Variants in MAST1 observed in about 807,000 individuals in gnomAD.
MAST1 encodes microtubule-associated serine/threonine-protein kinase 1.
In MAST1, 40 loss-of-function variants were observed where a neutral mutation model predicts 124.6. The observed-to-expected ratio is 0.32, with a 90% confidence interval of 0.25 to 0.42. The LOEUF (loss-of-function observed/expected upper bound fraction) is 0.42, where lower values mean the gene tolerates loss of function less well. MAST1 is among the 10% of genes least tolerant of loss of function. The pLI is 1.00. For missense variants in MAST1, 1,558 were observed against 2,181.9 expected (o/e 0.71, Z 5.70); for synonymous variants, 938 against 939.4 (o/e 1.00, Z 0.03).
chr19:12,848,272 T>G (rs985602419), intron 7 of MAST1: 12 of 566,864 alleles, frequency 2.1e-5, no homozygotes, highest in Non-Finnish European at 3.4e-5. Flanking sequence ...CCTTAGGTCT[T>G]TACTCAAATG....
intron 1 of MAST1, among the ~76,000 whole-genome samples, chr19:12,839,058 G>A (rs1423677858): frequency 3.9e-5 from 6 of 152,024 alleles, no homozygotes; most frequent in Non-Finnish European, 2.9e-5. Context: ...CAGTCACTGC[G>A]GCTGTGGGTG....
chr19:12,841,035 C>A lies in MAST1; in HGVS notation c.217C>A (p.Pro73Thr). 6.5e-7 allele frequency: 1 copy of A among 1,546,998 alleles called. No homozygotes were observed. The highest frequency in any genetic ancestry group is 8.9e-7 in the Non-Finnish European group (1 of 1,118,468). ...DSPRNFSPNT[P>T]AHFSFASSRR... ...CCCCCGAAACTTCTCCCCCAACACC[C>A]CCGCCCACTTCTCGTTTGCCTCCTC... is the stretch of plus-strand genomic sequence containing the variant. The change falls in exon 3 of 26, where the codon CCC becomes ACC. Residue 73 changes from proline (P) to threonine (T), a missense_variant. By Grantham distance (38) the Pro-to-Thr change is conservative. Around this residue, in one of 10 missense-constraint regions of MAST1, gnomAD observed 57 missense variants for 35.3 expected, o/e 1.62. Coordinates refer to ENST00000251472, the MANE Select transcript of MAST1 (RefSeq NM_014975.3). The surrounding 1 kb of genome is among the most constrained non-coding windows in gnomAD (Gnocchi z 4.3).
chr19:12,853,176 G>A (rs1215592415), intron 10 of MAST1, among the ~76,000 whole-genome samples: 1 of 151,538 alleles, frequency 6.6e-6, no homozygotes, highest in Admixed American at 6.6e-5. Context: ...TCTCCATGTT[G>A]GTCAGGCTGG....
rs2145906729 is a variant in MAST1 at position 12,864,678 on chromosome 19, G to A, written c.1367-131G>A. The A allele has an allele frequency of 2.5e-6, 3 of 1,188,926 alleles. No individual in the cohort carries two copies. The East Asian group carries it at 7.2e-5, about 29-fold the overall frequency. 73.6% of individuals were successfully genotyped at this position (1,188,926 alleles called of 1,614,324 possible). ...CAGTAGAGGACCTGGAGGGAGGGAGGCCCCTCTCAGAGCCTCAGTTTCCCT... is the reference window on the plus strand; with the variant it reads ...CAGTAGAGGACCTGGAGGGAGGGAGACCCCTCTCAGAGCCTCAGTTTCCCT... On this transcript the variant is annotated intron_variant, in intron 12 of 25. Coordinates refer to ENST00000251472, the MANE Select transcript of MAST1 (RefSeq NM_014975.3).
rs373790560 is a variant in MAST1 at position 12,865,302 on chromosome 19, C to G, written c.1639-14C>G. On this transcript the variant is annotated splice_polypyrimidine_tract_variant and intron_variant, in intron 14 of 25. Coordinates refer to ENST00000251472, the MANE Select transcript of MAST1 (RefSeq NM_014975.3). This position sits in a 1 kb window ranked among gnomAD's most constrained non-coding sequence, Gnocchi z 7.1. ...CTCCTCTGGCTGGGGCGTGGGCTGA[C>G]AGCCTGCCCCCAGGTGTGTGGGACC... 2.5e-6 allele frequency: 4 copies of G among 1,581,274 alleles called. No individual in the cohort carries two copies. The highest frequency in any genetic ancestry group is 3.6e-5 in the Admixed American group (2 of 56,086).
At chr19:12,871,260 C>G in intron 24 of MAST1, 88 bp downstream of exon 24, 1 of 1,558,420 alleles carries the variant, frequency 6.4e-7, no homozygotes, top group South Asian at 1.2e-5. Context: ...AAGGGAAGAG[C>G]ACGGGAAAGG....
Position 12,847,086 on chromosome 19 carries a change from T to C in MAST1, c.328-204T>C. The stretch of plus-strand genomic sequence containing the variant: ...TGACTTGACCCAAGCTTTAACAGAC[T>C]CACTGTCTCCACCCCTGTCTGTCCC... On this transcript the variant is annotated intron_variant, in intron 4 of 25. Coordinates refer to ENST00000251472, the MANE Select transcript of MAST1 (RefSeq NM_014975.3). The surrounding 1 kb of genome is among the most constrained non-coding windows in gnomAD (Gnocchi z 5.5). The C allele has an allele frequency of 3.5e-6, 2 of 572,836 alleles. No individual in the cohort carries two copies. Among genetic ancestry groups the C allele is most frequent in the East Asian group, 5.8e-5 (2 of 34,302 alleles). 35.5% of individuals were successfully genotyped at this position (572,836 alleles called of 1,614,324 possible).
intron 22 of MAST1, 26 bp downstream of exon 22, chr19:12,869,321 A>G (rs1434909687): frequency 2.5e-6 from 4 of 1,588,154 alleles, no homozygotes; most frequent in Non-Finnish European, 3.4e-6. Context: ...TGGAGTCTCC[A>G]TCACAGAGTG....
At position 12,866,520 on chromosome 19, in the gene MAST1, A is replaced by G; in HGVS notation, c.2030-133A>G. 1.6e-6 allele frequency: 1 copy of G among 643,744 alleles called. No individual in the cohort carries two copies. Among genetic ancestry groups the G allele is most frequent in the South Asian group, 1.8e-5 (1 of 54,304 alleles). 39.9% of individuals were successfully genotyped at this position (643,744 alleles called of 1,614,324 possible). A position where few individuals can be genotyped will look rare whatever the true frequency, so the allele number is the denominator to read the frequency against. ...CCTGGGAGCGGAGCCTAAATTAAAT[A>G]CACTAATGAGGCAGGGGCGTGGCCT... is the stretch of plus-strand genomic sequence containing the variant. On this transcript the variant is annotated intron_variant, in intron 17 of 25. Coordinates refer to ENST00000251472, the MANE Select transcript of MAST1 (RefSeq NM_014975.3). The surrounding 1 kb of genome is among the most constrained non-coding windows in gnomAD (Gnocchi z 5.2).
intron 21 of MAST1, 68 bp downstream of exon 21, chr19:12,868,917 A>C: frequency 6.4e-7 from 1 of 1,553,124 alleles, no homozygotes; most frequent in East Asian, 2.3e-5. Flanking sequence ...ACCAATGAAA[A>C]TGCTGCATTT....
chr19:12,856,291 T>C (rs930963920), intron 10 of MAST1, among the ~76,000 whole-genome samples: 8 of 151,854 alleles, frequency 5.3e-5, no homozygotes, highest in African/African-American at 1.9e-4. Flanking sequence ...GATTACATAG[T>C]TTTATTTTGC....
At position 12,874,487 on chromosome 19, in the gene MAST1, G is replaced by C. The variant is rs377752846; in HGVS notation, c.4330G>C (p.Gly1444Arg). ...VPIVVEPARP[G>R]AKAVVPQPLG... Reference sequence around the variant, plus strand: ...CATTGTCGTAGAGCCTGCGCGGCCCGGGGCTAAGGCTGTGGTGCCTCAGCC... The same window carrying C: ...CATTGTCGTAGAGCCTGCGCGGCCCCGGGCTAAGGCTGTGGTGCCTCAGCC... The change falls in exon 26 of 26, where the codon GGG (glycine) becomes CGG (arginine). Residue 1444 changes from glycine to arginine, a missense_variant. Gly to Arg is a moderately radical substitution (Grantham distance 125). Coordinates refer to ENST00000251472, the MANE Select transcript of MAST1 (RefSeq NM_014975.3). The surrounding 1 kb of genome is among the most constrained non-coding windows in gnomAD (Gnocchi z 6.6). 6 of 1,568,186 alleles carry C rather than the reference G, an allele frequency of 3.8e-6. No individual in the cohort carries two copies. The highest frequency in any genetic ancestry group is 1.3e-5 in the African/African-American group (1 of 74,262).
At position 12,847,539 on chromosome 19, in the gene MAST1, T is replaced by C. The variant is rs1969908687; in HGVS notation, c.489-73T>C. 2 of 1,612,784 alleles carry C rather than the reference T, an allele frequency of 1.2e-6. No homozygotes were observed. The highest frequency in any genetic ancestry group is 1.7e-6 in the Non-Finnish European group (2 of 1,179,368). ...CCCCTGTCCCCGCGAATAAAAGGGTTACATCTTGGGGCGGGGGCTCTCTGC... is the reference window on the plus strand; with the variant it reads ...CCCCTGTCCCCGCGAATAAAAGGGTCACATCTTGGGGCGGGGGCTCTCTGC... On this transcript the variant is annotated intron_variant, in intron 5 of 25. Coordinates refer to ENST00000251472, the MANE Select transcript of MAST1 (RefSeq NM_014975.3). The surrounding 1 kb of genome is among the most constrained non-coding windows in gnomAD (Gnocchi z 5.5).
intron 12 of MAST1, among the ~76,000 whole-genome samples, chr19:12,863,068 G>T (rs1309725426): frequency 6.8e-6 from 1 of 146,094 alleles, no homozygotes; most frequent in African/African-American, 2.5e-5. Context: ...AGAATCTCTT[G>T]AACCCGGGGG....
Position 12,871,262 on chromosome 19 carries a change from C to T in MAST1, c.3263+90C>T, listed in dbSNP as rs377503747. ...GATGAGGATGGAGAAGGGAAGAGCA[C>T]GGGAAAGGTGGCGGGAACAAATGAC... On this transcript the variant is annotated intron_variant, in intron 24 of 25. Coordinates refer to ENST00000251472, the MANE Select transcript of MAST1 (RefSeq NM_014975.3). 3.8e-5 allele frequency: 59 copies of T among 1,551,284 alleles called. 1 individual carries two copies. In the East Asian group the frequency reaches 4.8e-4, roughly 12 times the overall value.
intron 10 of MAST1, among the ~76,000 whole-genome samples, chr19:12,857,159 C>T (rs1218860341): frequency 6.6e-6 from 1 of 152,090 alleles, no homozygotes; most frequent in African/African-American, 2.4e-5. Flanking sequence ...TCTCGGCTCA[C>T]CACAACCTCT....
Position 12,874,762 on chromosome 19 carries a change from A to C in MAST1, c.4605A>C (p.Ser1535=), listed in dbSNP as rs11085822. Residue 1535 remains serine, a synonymous_variant, in exon 26 of 26, where the codon TCA becomes TCC. Transcript: ENST00000251472. The surrounding 1 kb of genome is among the most constrained non-coding windows in gnomAD (Gnocchi z 6.6). ...TPVPPASLLG[S]GTKPQVGLTS... is the part of the protein sequence containing the mutation. ...TCCCACCCGCATCCCTCTTGGGCTC[A>C]GGCACCAAGCCTCAAGTGGGGCTGA... 2 of 1,603,156 alleles carry C rather than the reference A, an allele frequency of 1.2e-6. No homozygotes were observed. Among genetic ancestry groups the C allele is most frequent in the Non-Finnish European group, 1.7e-6 (2 of 1,172,328 alleles).
chr19:12,874,935 T>G lies in MAST1; in HGVS notation c.*65T>G, dbSNP rs779729422. The G allele has an allele frequency of 1.3e-6, 2 of 1,524,956 alleles. No individual in the cohort carries two copies. Among genetic ancestry groups the G allele is most frequent in the African/African-American group, 1.4e-5 (1 of 72,926 alleles). The allele number at this position is 1,524,956 out of a possible 1,614,324, so 94.5% of individuals were successfully genotyped here. A position where few individuals can be genotyped will look rare whatever the true frequency, so the allele number is the denominator to read the frequency against. ...TACATATGTACACATATAAATAAAG[T>G]GCGTCCGTGCTGCGTGAGTTTTCTG... is the stretch of plus-strand genomic sequence containing the variant. On this transcript the variant is annotated 3_prime_UTR_variant, in exon 26 of 26. Transcript: ENST00000251472. The surrounding 1 kb of genome is among the most constrained non-coding windows in gnomAD (Gnocchi z 6.6).
intron 12 of MAST1, among the ~76,000 whole-genome samples, chr19:12,861,136 C>T (rs1015575997): frequency 1.3e-5 from 2 of 152,046 alleles, no homozygotes; most frequent in African/African-American, 4.8e-5. Flanking sequence ...AATCTTGGTG[C>T]ACAGCAACCT....
Sources: gnomAD v4.1 joint callset for allele counts (sites outside exome capture counted in the v4.1 genomes callset) on GRCh38, gnomAD v4.1.1 for gene constraint, gnomAD v4.1.1 regional missense constraint, Gnocchi (gnomAD v3.1) non-coding constraint, MANE v1.5 for transcripts, NCBI Gene and HGNC (gene_info 2026-07-23, HGNC 2026-07-21) for gene names.